Variants in RFX3 observed in about 807,000 individuals in gnomAD.
The protein encoded by RFX3 is transcription factor RFX3.
Under a neutral mutation model 98.6 loss-of-function variants are expected in RFX3, and 14 were observed. That is an observed-to-expected ratio of 0.14 (90% confidence interval 0.09 to 0.22). The LOEUF is 0.22. Ranked by LOEUF, RFX3 falls within the 10% of genes least tolerant of loss-of-function variation. The probability of loss-of-function intolerance (pLI) is 1.00; values close to 1 mark genes in which losing one functional copy is unlikely to be tolerated. For missense variants in RFX3, 639 were observed against 926.9 expected (o/e 0.69, Z 4.03); for synonymous variants, 383 against 328.4 (o/e 1.17, Z -1.80).
intron 1 of RFX3, among the ~76,000 whole-genome samples, chr9:3,505,437 T>TTTATTTTATATAAATATAAAATAC (rs1587890027): frequency 7.1e-5 from 1 of 14,112 alleles, no homozygotes; most frequent in African/African-American, 1.9e-4. Flanking sequence ...AAATAAAATA[T>TTTATTTTATATAAATATAAAATAC]TTTATATTTA....
intron 1 of RFX3, among the ~76,000 whole-genome samples, chr9:3,458,545 A>AT (rs1420344104): frequency 2.0e-5 from 3 of 147,502 alleles, no homozygotes; most frequent in East Asian, 1.9e-4. Context: ...AAACAAAGTG[A>AT]TTTTTTTAAA....
At chr9:3,460,853 A>C (rs921968658) in intron 1 of RFX3, among the ~76,000 whole-genome samples, 2 of 151,976 alleles carry the variant, frequency 1.3e-5, no homozygotes, top group Non-Finnish European at 2.9e-5. Flanking sequence ...CTAATCACTT[A>C]ACCAATTTCC....
chr9:3,288,412 T>C (rs190602722), intron 6 of RFX3, among the ~76,000 whole-genome samples, 162 bp from the exon 7 acceptor site: 1 of 152,222 alleles, frequency 6.6e-6, no homozygotes, highest in African/African-American at 2.4e-5. Context: ...TATGTTTTTA[T>C]GGTGATAAAA....
chr9:3,235,133 CAA>C (rs2130772346), intron 15 of RFX3, among the ~76,000 whole-genome samples: 1 of 152,304 alleles, frequency 6.6e-6, no homozygotes, highest in East Asian at 1.9e-4. Context: ...GTTTGCAAGA[CAA>C]GAGATTAGGG....
At chr9:3,294,123 A>T (rs945824949) in intron 5 of RFX3, among the ~76,000 whole-genome samples, 6 of 152,310 alleles carry the variant, frequency 3.9e-5, no homozygotes, top group Non-Finnish European at 8.8e-5. Context: ...GAATTTTAAC[A>T]TTAACAAAAT....
chr9:3,525,026 A>G (rs1819113821), intron 1 of RFX3, among the ~76,000 whole-genome samples: 1 of 151,918 alleles, frequency 6.6e-6, no homozygotes, highest in Non-Finnish European at 1.5e-5. Context: ...AGAGTGCTGA[A>G]TGGATGTTAA....
At chr9:3,478,196 G>C (rs1310026108) in intron 1 of RFX3, among the ~76,000 whole-genome samples, 1 of 151,776 alleles carries the variant, frequency 6.6e-6, no homozygotes, top group African/African-American at 2.4e-5. Context: ...TTTATTTCCT[G>C]TTTCTTTGCA....
chr9:3,523,618 AATTT>A (rs1225463809), intron 1 of RFX3, among the ~76,000 whole-genome samples: 1 of 152,206 alleles, frequency 6.6e-6, no homozygotes, highest in Non-Finnish European at 1.5e-5. Context: ...TATAGTATAT[AATTT>A]ACTTAACTGA....
At chr9:3,403,492 G>A (rs1280176749) in intron 1 of RFX3, among the ~76,000 whole-genome samples, 1 of 152,098 alleles carries the variant, frequency 6.6e-6, no homozygotes, top group Non-Finnish European at 1.5e-5. Context: ...GATAACTGAT[G>A]ACAGTGATTA....
intron 2 of RFX3, among the ~76,000 whole-genome samples, chr9:3,387,623 T>C (rs1042950088): frequency 6.9e-6 from 1 of 145,792 alleles, no homozygotes; most frequent in Non-Finnish European, 1.5e-5. Flanking sequence ...GCTAAAATCA[T>C]TGTCTTTTTT....
intron 1 of RFX3, among the ~76,000 whole-genome samples, chr9:3,488,564 G>A (rs893171609): frequency 2.6e-5 from 4 of 152,100 alleles, no homozygotes; most frequent in Non-Finnish European, 5.9e-5. Context: ...ACTTAAAAGA[G>A]TTAGTACTAA....
At chr9:3,455,397 T>G (rs995264008) in intron 1 of RFX3, among the ~76,000 whole-genome samples, 2 of 152,166 alleles carry the variant, frequency 1.3e-5, no homozygotes, top group African/African-American at 4.8e-5. Flanking sequence ...ACTAAGCAAA[T>G]CAAATGCTCC....
intron 1 of RFX3, among the ~76,000 whole-genome samples, chr9:3,521,378 G>C (rs574516776): frequency 1.3e-5 from 2 of 152,194 alleles, no homozygotes; most frequent in South Asian, 2.1e-4. Flanking sequence ...AAGATAGTAT[G>C]TTAAACTCCA....
chr9:3,255,355 A>G (rs1045264385), intron 14 of RFX3, among the ~76,000 whole-genome samples: 22 of 152,194 alleles, frequency 1.4e-4, no homozygotes, highest in African/African-American at 5.3e-4. Flanking sequence ...TTACTCATTC[A>G]TAGTCTTTCC....
chr9:3,474,671 G>C (rs192423922), intron 1 of RFX3, among the ~76,000 whole-genome samples: 1 of 152,286 alleles, frequency 6.6e-6, no homozygotes, highest in East Asian at 1.9e-4. Context: ...ATACAGATTT[G>C]TCTCCAGAAA....
In RFX3 at chr9:3,492,648, T is replaced by G. The variant is rs574986867; in HGVS notation, c.-9+33099A>C. ...GGCAACATTGCCTGCAGGATGATCT[T>G]GTGGGCATGCTATGGCAAAGAGCCC... is the stretch of plus-strand genomic sequence containing the variant. On this transcript the variant is annotated intron_variant, in intron 1 of 16. Coordinates refer to ENST00000617270, the MANE Select transcript of RFX3 (RefSeq NM_001282116.2). Among the ~76,000 whole-genome samples the G allele has an allele frequency of 3.9e-5, 6 of 152,246 alleles. No homozygotes were observed. In the South Asian group the frequency reaches 1.0e-3, roughly 26 times the overall value.
chr9:3,436,471 A>C (rs1157676143), intron 1 of RFX3, among the ~76,000 whole-genome samples: 1 of 152,078 alleles, frequency 6.6e-6, no homozygotes, highest in East Asian at 1.9e-4. Context: ...TATTTTTAGT[A>C]AAAAGATAAA....
intron 5 of RFX3, among the ~76,000 whole-genome samples, chr9:3,300,941 G>T (rs74485381): frequency 0.021 from 3,214 of 150,404 alleles, 118 homozygotes; most frequent in African/African-American, 0.075. Context: ...GCATAGTAAT[G>T]GTAGTTTTAT....
chr9:3,497,548 C>T (rs1312931341), intron 1 of RFX3, among the ~76,000 whole-genome samples: 1 of 151,744 alleles, frequency 6.6e-6, no homozygotes, highest in African/African-American at 2.4e-5. Context: ...GCTGATCTCT[C>T]GAACTAGGAT....
Sources: allele counts gnomAD v4.1 joint callset (sites outside exome capture counted in the v4.1 genomes callset), GRCh38; gene constraint gnomAD v4.1.1; transcripts MANE v1.5; gene names NCBI Gene and HGNC (gene_info 2026-07-23, HGNC 2026-07-21).